IL1RAPL1: variants seen among roughly 807,000 people sequenced by gnomAD.
IL1RAPL1 encodes interleukin-1 receptor accessory protein-like 1.
A neutral mutation model predicts 48.4 loss-of-function variants in IL1RAPL1; 3 were observed. That is an observed-to-expected ratio of 0.06 (90% CI 0.03 to 0.16). The LOEUF is 0.16. Ranked by LOEUF, IL1RAPL1 falls within the 10% of genes least tolerant of loss-of-function variation. IL1RAPL1 has a pLI of 1.00. For missense variants in IL1RAPL1, 349 were observed against 530.6 expected (o/e 0.66, Z 3.36); for synonymous variants, 185 against 187.7 (o/e 0.99, Z 0.12).
At chrX:29,425,497 A>T (rs927418310) in intron 5 of IL1RAPL1, among the ~76,000 whole-genome samples, 13 of 111,611 alleles carry the variant, frequency 1.2e-4, no homozygotes, top group African/African-American at 4.2e-4. Flanking sequence ...TCTGGTTCAT[A>T]TCTCTGTCAA....
Position 29,873,153 on chromosome X carries a change from G to A in IL1RAPL1, c.779-44311G>A, listed in dbSNP as rs745391867. On this transcript the variant is annotated intron_variant, in intron 6 of 10. Coordinates refer to ENST00000378993, the MANE Select transcript of IL1RAPL1 (RefSeq NM_014271.4). ...AGCAGGTCTCCCACTCCATGTCATT[G>A]ACTGACATAACCCACCAGACAGTAC... Among the ~76,000 whole-genome samples the A allele has an allele frequency of 1.3e-4, 14 of 111,242 alleles. No individual in the cohort carries two copies. In the South Asian group the frequency reaches 4.2e-3, roughly 33 times the overall value.
chrX:28,630,636 C>T (rs1934388492), intron 1 of IL1RAPL1, among the ~76,000 whole-genome samples: 1 of 111,970 alleles, frequency 8.9e-6, no homozygotes, highest in African/African-American at 3.3e-5. Context: ...TATTCGTCTA[C>T]TGCAACTGAT....
intron 2 of IL1RAPL1, among the ~76,000 whole-genome samples, chrX:29,073,830 A>G (rs1390272143): frequency 1.8e-5 from 2 of 111,399 alleles, no homozygotes; most frequent in Non-Finnish European, 3.8e-5. Context: ...GTGGGTGTTG[A>G]TATCTGCAAA....
intron 1 of IL1RAPL1, among the ~76,000 whole-genome samples, chrX:28,720,278 G>A (rs181948450): frequency 1.7e-4 from 19 of 111,098 alleles, no homozygotes; most frequent in African/African-American, 5.9e-4. Context: ...TAACCAACTT[G>A]CTCACACATG....
At position 29,426,035 on chromosome X, in the gene IL1RAPL1, C is replaced by T. The variant is rs746361964; in HGVS notation, c.703+26727C>T. On this transcript the variant is annotated intron_variant, in intron 5 of 10. Transcript: ENST00000378993. ...CATTTGCATTTACTTCTATAAATCACAGCTATCATTGTTTTTCCTAATAAT... is the reference window on the plus strand; with the variant it reads ...CATTTGCATTTACTTCTATAAATCATAGCTATCATTGTTTTTCCTAATAAT... 1.4e-4 allele frequency among the ~76,000 whole-genome samples: 16 copies of T among 111,789 alleles called. No homozygotes were observed. The South Asian group carries it at 6.0e-3, about 42-fold the overall frequency.
intron 2 of IL1RAPL1, among the ~76,000 whole-genome samples, chrX:28,963,483 TAATA>T (rs1326946324): frequency 5.4e-5 from 6 of 111,193 alleles, no homozygotes; most frequent in South Asian, 7.6e-4. Context: ...ACATAGAAAT[TAATA>T]AATATATATA....
chrX:29,336,921 T>C (rs1308888688), intron 3 of IL1RAPL1, among the ~76,000 whole-genome samples: 1 of 111,082 alleles, frequency 9.0e-6, no homozygotes, highest in Non-Finnish European at 1.9e-5. Context: ...GAGTTCTAGT[T>C]TCTATGACTT....
intron 2 of IL1RAPL1, among the ~76,000 whole-genome samples, chrX:29,070,646 G>C (rs1486338183): frequency 9.0e-6 from 1 of 111,346 alleles, no homozygotes; most frequent in East Asian, 2.8e-4. Flanking sequence ...ACACAAGTCT[G>C]GATCTCCTAG....
intron 2 of IL1RAPL1, among the ~76,000 whole-genome samples, chrX:29,085,242 A>C (rs1343727244): frequency 1.8e-5 from 2 of 111,689 alleles, no homozygotes; most frequent in South Asian, 7.4e-4. Flanking sequence ...TATTTTGGTC[A>C]GTTGTGAGAA....
intron 6 of IL1RAPL1, among the ~76,000 whole-genome samples, chrX:29,753,005 G>T (rs1928528260): frequency 1.8e-5 from 2 of 111,608 alleles, no homozygotes; most frequent in Admixed American, 1.9e-4. Flanking sequence ...TCCATAAAGA[G>T]AGAGATACCT....
intron 2 of IL1RAPL1, among the ~76,000 whole-genome samples, chrX:29,049,409 A>G (rs1424647749): frequency 2.7e-5 from 3 of 112,512 alleles, no homozygotes; most frequent in African/African-American, 6.5e-5. Context: ...TTTTAATGGC[A>G]GGCAAAGAGA....
chrX:29,933,881 C>T (rs1197394435), intron 8 of IL1RAPL1, among the ~76,000 whole-genome samples: 3 of 110,090 alleles, frequency 2.7e-5, no homozygotes, highest in East Asian at 2.8e-4. Flanking sequence ...GAGAAGGTGC[C>T]GTATGAGCAG....
chrX:29,236,039 A>G (rs1181172692), intron 2 of IL1RAPL1, among the ~76,000 whole-genome samples: 4 of 112,465 alleles, frequency 3.6e-5, no homozygotes, highest in African/African-American at 6.5e-5. Context: ...ACACACATCA[A>G]TGGAAATATC....
At chrX:29,227,769 A>G (rs1931109457) in intron 2 of IL1RAPL1, among the ~76,000 whole-genome samples, 1 of 111,668 alleles carries the variant, frequency 9.0e-6, no homozygotes, top group Non-Finnish European at 1.9e-5. Context: ...CTTACTTCCT[A>G]GACAGAGAAC....
At chrX:29,148,034 A>AAG (rs1338593621) in intron 2 of IL1RAPL1, among the ~76,000 whole-genome samples, 1 of 112,147 alleles carries the variant, frequency 8.9e-6, no homozygotes, top group South Asian at 3.7e-4. Context: ...CTCACAGAGA[A>AAG]AGAGAGACAG....
intron 5 of IL1RAPL1, among the ~76,000 whole-genome samples, chrX:29,476,364 A>G (rs771977726): frequency 5.4e-5 from 6 of 112,017 alleles, no homozygotes; most frequent in Non-Finnish European, 1.1e-4. Flanking sequence ...GCATCACTCC[A>G]TCTTTTATAA....
chrX:28,825,416 T>C (rs1325834986), intron 2 of IL1RAPL1, among the ~76,000 whole-genome samples: 1 of 111,274 alleles, frequency 9.0e-6, no homozygotes, highest in Non-Finnish European at 1.9e-5. Context: ...CTTGGAGTAT[T>C]AATCCAATAT....
At chrX:28,836,992 A>G (rs776579661) in intron 2 of IL1RAPL1, among the ~76,000 whole-genome samples, 48 of 110,627 alleles carry the variant, frequency 4.3e-4, no homozygotes, top group Non-Finnish European at 8.0e-4. Context: ...AGACCAAGAA[A>G]GAGGGAGCCG....
intron 5 of IL1RAPL1, among the ~76,000 whole-genome samples, chrX:29,451,117 A>T (rs1569314117): frequency 1.0e-5 from 1 of 97,800 alleles, no homozygotes; most frequent in South Asian, 4.2e-4. Flanking sequence ...ACCTAATATT[A>T]AAAAAAAAAA....
Sources: allele counts gnomAD v4.1 joint callset (sites outside exome capture counted in the v4.1 genomes callset), GRCh38; gene constraint gnomAD v4.1.1; transcripts MANE v1.5; gene names NCBI Gene and HGNC (gene_info 2026-07-23, HGNC 2026-07-21).